The following NRG1 variants were observed in gnomAD, a reference collection of about 807,000 sequenced individuals.
The protein encoded by NRG1 is pro-neuregulin-1, membrane-bound isoform.
NRG1 carries 18 observed loss-of-function variants against 63.8 expected under a neutral mutation model. The observed-to-expected ratio is 0.28, with a 90% CI of 0.19 to 0.42. The LOEUF (loss-of-function observed/expected upper bound fraction) is 0.42, where lower values mean the gene tolerates loss of function less well. Among genes scored for constraint, NRG1 ranks in the 10% least tolerant of loss-of-function variants. The pLI, the probability that NRG1 is intolerant of heterozygous loss-of-function variation, is 1.00. For synonymous variants in NRG1, 302 were observed against 301.3 expected (o/e 1.00, Z -0.02); for missense variants, 762 against 814.7 (o/e 0.94, Z 0.79).
At chr8:32,261,016 T>C (rs1431094112) in intron 1 of NRG1, among the ~76,000 whole-genome samples, 1 of 152,202 alleles carries the variant, frequency 6.6e-6, no homozygotes, top group East Asian at 1.9e-4. Flanking sequence ...AATAGTTTTG[T>C]ACTTGATATG....
At chr8:32,446,167 A>G (rs774970893) in intron 1 of NRG1, among the ~76,000 whole-genome samples, 6 of 152,210 alleles carry the variant, frequency 3.9e-5, no homozygotes, top group Non-Finnish European at 5.9e-5. Flanking sequence ...GAATTGCCAC[A>G]GACCGAATCT....
chr8:32,754,901 A>C (rs1829400440), intron 8 of NRG1, among the ~76,000 whole-genome samples: 1 of 152,192 alleles, frequency 6.6e-6, no homozygotes, highest in Non-Finnish European at 1.5e-5. Context: ...GACTGACTGC[A>C]TTCAGGGTGC....
intron 1 of NRG1, among the ~76,000 whole-genome samples, chr8:32,462,230 A>G (rs1026565476): frequency 6.6e-6 from 1 of 152,196 alleles, no homozygotes; most frequent in Non-Finnish European, 1.5e-5. Flanking sequence ...CACTGGCACT[A>G]GTAAAGTTGT....
intron 1 of NRG1, among the ~76,000 whole-genome samples, chr8:31,863,652 A>G (rs914670007): frequency 6.6e-6 from 1 of 152,206 alleles, no homozygotes; most frequent in Non-Finnish European, 1.5e-5. Context: ...CTACTCAGAA[A>G]ATAAATTTTC....
intron 1 of NRG1, chr8:32,256,589 G>C (rs1849742869): frequency 6.5e-6 from 1 of 153,158 alleles, no homozygotes; most frequent in Non-Finnish European, 1.5e-5. Context: ...GGGAGACCCT[G>C]TTTGCCTGGG....
At chr8:32,555,128 C>T (rs976251294) in intron 1 of NRG1, among the ~76,000 whole-genome samples, 3 of 152,134 alleles carry the variant, frequency 2.0e-5, no homozygotes, top group Non-Finnish European at 1.5e-5. Flanking sequence ...TGCAAGGGGA[C>T]ATCTGTCAGA....
At chr8:32,652,009 C>A (rs1461763172) in intron 5 of NRG1, among the ~76,000 whole-genome samples, 3 of 152,140 alleles carry the variant, frequency 2.0e-5, no homozygotes, top group African/African-American at 4.8e-5. Flanking sequence ...TATTGAAATT[C>A]TTTTATTAAA....
downstream of NRG1, among the ~76,000 whole-genome samples, chr8:32,768,426 G>T (rs905245156): frequency 2.6e-5 from 4 of 152,184 alleles, no homozygotes; most frequent in African/African-American, 4.8e-5. Context: ...TTGACACCTG[G>T]CCATGCTAAG....
chr8:32,513,394 T>TTGCA lies in NRG1; in HGVS notation c.38-82433_38-82430dup, dbSNP rs575143594. 4.3e-4 allele frequency among the ~76,000 whole-genome samples: 65 copies of TTGCA among 150,450 alleles called. No individual in the cohort carries two copies. In the South Asian group the frequency reaches 0.013, roughly 31 times the overall value. ...GAAAAAGGGAAAGGAGTGAAAATTC[T>TTGCA]TGCAACATTTAGCTCTTCCGAAAAA... On this transcript the variant is annotated intron_variant, in intron 1 of 10. Transcript: ENST00000519301.
chr8:31,832,267 T>C (rs1296848643), intron 1 of NRG1, among the ~76,000 whole-genome samples: 1 of 133,488 alleles, frequency 7.5e-6, no homozygotes, highest in Admixed American at 7.5e-5. Context: ...TTTTTTTTTT[T>C]CTTGAGATGG....
intron 1 of NRG1, among the ~76,000 whole-genome samples, chr8:32,396,706 C>G (rs948535277): frequency 6.6e-6 from 1 of 152,134 alleles, no homozygotes; most frequent in Non-Finnish European, 1.5e-5. Context: ...CCTCGGCCTC[C>G]CAAAGTACTG....
intron 1 of NRG1, among the ~76,000 whole-genome samples, chr8:32,206,784 C>T (rs561316290): frequency 1.3e-5 from 2 of 152,332 alleles, no homozygotes; most frequent in African/African-American, 4.8e-5. Context: ...TCATCCCTTT[C>T]CCACAACCTC....
In NRG1 at chr8:32,074,186, A is replaced by G. The variant is rs551721350; in HGVS notation, c.37+434755A>G. Among the ~76,000 whole-genome samples the G allele has an allele frequency of 9.8e-5, 15 of 152,292 alleles. No homozygotes were observed. The East Asian group carries it at 1.3e-3, about 14-fold the overall frequency. Reference sequence around the variant, plus strand: ...TCTGTGATGGCTTCTGGGGATATCAATATTGGTATACTTTCCTCACTGCAA... The same window carrying G: ...TCTGTGATGGCTTCTGGGGATATCAGTATTGGTATACTTTCCTCACTGCAA... On this transcript the variant is annotated intron_variant, in intron 1 of 10. Coordinates refer to the NRG1 transcript ENST00000519301.
At chr8:32,112,468 A>G (rs990010800) in intron 1 of NRG1, among the ~76,000 whole-genome samples, 5 of 152,228 alleles carry the variant, frequency 3.3e-5, no homozygotes, top group Non-Finnish European at 5.9e-5. Context: ...TGACTGTTGA[A>G]GTCAAATCTC....
At chr8:32,201,484 C>A (rs754113314) in intron 1 of NRG1, among the ~76,000 whole-genome samples, 4 of 152,210 alleles carry the variant, frequency 2.6e-5, no homozygotes, top group Non-Finnish European at 4.4e-5. Context: ...ATTTGGCAAT[C>A]ATTTATTCCA....
intron 1 of NRG1, among the ~76,000 whole-genome samples, chr8:31,725,090 A>G (rs1344749916): frequency 2.0e-5 from 3 of 152,172 alleles, no homozygotes; most frequent in African/African-American, 7.2e-5. Context: ...GATTTTTGTA[A>G]CCATTTCAAA....
At chr8:32,525,268 A>G (rs1024177132) in intron 1 of NRG1, among the ~76,000 whole-genome samples, 1 of 152,216 alleles carries the variant, frequency 6.6e-6, no homozygotes, top group African/African-American at 2.4e-5. Flanking sequence ...TGCAGAGGCC[A>G]GAACCACACC....
At chr8:32,670,663 A>T (rs73675403) in intron 5 of NRG1, among the ~76,000 whole-genome samples, 2,927 of 152,272 alleles carry the variant, frequency 0.019, 104 homozygotes, top group African/African-American at 0.067. Flanking sequence ...GTAGCATTTT[A>T]AAAATATTTA....
intron 1 of NRG1, among the ~76,000 whole-genome samples, chr8:31,944,395 T>C (rs1233140061): frequency 1.3e-5 from 2 of 152,204 alleles, no homozygotes; most frequent in African/African-American, 4.8e-5. Flanking sequence ...AAAAGAACGA[T>C]ATGCAGAGAA....
Sources: gnomAD v4.1 joint callset for allele counts (sites outside exome capture counted in the v4.1 genomes callset) on GRCh38, gnomAD v4.1.1 for gene constraint, MANE v1.5 for transcripts, NCBI Gene and HGNC (gene_info 2026-07-23, HGNC 2026-07-21) for gene names.